The following AGAP1 variants were observed in gnomAD, a reference collection of about 807,000 sequenced individuals.
AGAP1 encodes the protein ArfGAP with GTPase domain, ankyrin repeat and PH domain 1, also known as arf-GAP with GTPase, ANK repeat and PH domain-containing protein 1.
Under a neutral mutation model 105.3 loss-of-function variants are expected in AGAP1, and 29 were observed. The observed-to-expected ratio is 0.28, with a 90% CI of 0.21 to 0.38. AGAP1 has a LOEUF of 0.38. Among genes scored for constraint, AGAP1 ranks in the 10% least tolerant of loss-of-function variants. The probability of loss-of-function intolerance (pLI) is 1.00; values close to 1 mark genes in which losing one functional copy is unlikely to be tolerated. For synonymous variants in AGAP1, 509 were observed against 485.9 expected (o/e 1.05, Z -0.63); for missense variants, 998 against 1,165.1 (o/e 0.86, Z 2.09).
At chr2:235,646,236 C>T (rs1947378966) in intron 1 of AGAP1, among the ~76,000 whole-genome samples, 1 of 147,720 alleles carries the variant, frequency 6.8e-6, no homozygotes, top group Admixed American at 6.8e-5. Context: ...CGCCATTGCA[C>T]TCCAGCCTGG....
chr2:235,709,278 G>T (rs745767635), intron 2 of AGAP1, 41 bp downstream of exon 2: 1 of 1,601,456 alleles, frequency 6.2e-7, no homozygotes, highest in Non-Finnish European at 8.6e-7. Context: ...TGGGAAGGGA[G>T]GGGCTCTGTG....
chr2:235,778,487 C>T (rs1365292177), intron 6 of AGAP1, among the ~76,000 whole-genome samples: 1 of 152,200 alleles, frequency 6.6e-6, no homozygotes, highest in Non-Finnish European at 1.5e-5. Context: ...CTGCTCCGTG[C>T]TCTTCCTCCT....
intron 8 of AGAP1, among the ~76,000 whole-genome samples, chr2:235,804,230 C>T (rs1397522723): frequency 6.6e-6 from 1 of 152,082 alleles, no homozygotes; most frequent in Non-Finnish European, 1.5e-5. Context: ...TAGTGTGAGT[C>T]TTGAAATTAT....
intron 13 of AGAP1, among the ~76,000 whole-genome samples, chr2:236,025,983 A>T (rs942707305): frequency 1.3e-5 from 2 of 152,060 alleles, no homozygotes; most frequent in African/African-American, 4.8e-5. Context: ...CAGGAGCTTC[A>T]GGGACCTCAG....
intron 1 of AGAP1, among the ~76,000 whole-genome samples, chr2:235,572,001 CA>C (rs1944541713): frequency 8.4e-6 from 1 of 118,918 alleles, no homozygotes; most frequent in South Asian, 2.8e-4. Flanking sequence ...CACACACACA[CA>C]CTTTTTTTTT....
chr2:235,865,182 G>T lies in AGAP1; in HGVS notation c.1051-18163G>T, dbSNP rs1290624002. Among the ~76,000 whole-genome samples the T allele has an allele frequency of 6.6e-6, 1 of 152,204 alleles. No individual in the cohort carries two copies. Among genetic ancestry groups the T allele is most frequent in the African/African-American group, 2.4e-5 (1 of 41,454 alleles). ...AATTACTGCTGAGCTCTGGAGAGGG[G>T]AGCAGTTTAGCCAATTATTGCCATT... On this transcript the variant is annotated intron_variant, in intron 9 of 17. Coordinates refer to ENST00000304032, the MANE Select transcript of AGAP1 (RefSeq NM_001037131.3). This position sits in a 1 kb window ranked among gnomAD's most constrained non-coding sequence, Gnocchi z 6.2.
At chr2:235,791,392 G>A (rs894323249) in intron 6 of AGAP1, among the ~76,000 whole-genome samples, 1 of 152,086 alleles carries the variant, frequency 6.6e-6, no homozygotes, top group Non-Finnish European at 1.5e-5. Flanking sequence ...CCTATGGTTC[G>A]AATGGAAGAT....
At chr2:235,833,541 C>A (rs1027283716) in intron 9 of AGAP1, among the ~76,000 whole-genome samples, 1 of 151,472 alleles carries the variant, frequency 6.6e-6, no homozygotes, top group Non-Finnish European at 1.5e-5. Flanking sequence ...CTCATCACCC[C>A]GCCCCCTCCT....
At chr2:235,899,885 A>G (rs1350360038) in intron 10 of AGAP1, among the ~76,000 whole-genome samples, 1 of 152,262 alleles carries the variant, frequency 6.6e-6, no homozygotes, top group Non-Finnish European at 1.5e-5. Context: ...TCTTTCAGGC[A>G]GTGTAAACCT....
At chr2:236,039,906 T>C (rs1264531993) in intron 14 of AGAP1, among the ~76,000 whole-genome samples, 7 of 152,182 alleles carry the variant, frequency 4.6e-5, no homozygotes, top group Non-Finnish European at 1.0e-4. Flanking sequence ...CTCTGTATTT[T>C]CTAAACTTGC....
At chr2:235,693,081 G>A (rs560557497) in intron 1 of AGAP1, among the ~76,000 whole-genome samples, 2 of 152,268 alleles carry the variant, frequency 1.3e-5, no homozygotes, top group South Asian at 4.1e-4. Flanking sequence ...GTCACCACTG[G>A]GGAAGGCCAT....
intron 11 of AGAP1, among the ~76,000 whole-genome samples, chr2:235,925,539 A>G (rs1380707479): frequency 6.6e-6 from 1 of 152,124 alleles, no homozygotes; most frequent in East Asian, 1.9e-4. Context: ...ATGTAGCTCT[A>G]TTTCTATTAG....
chr2:235,730,725 T>TGTTTA (rs1262821679), intron 3 of AGAP1, among the ~76,000 whole-genome samples: 2 of 152,180 alleles, frequency 1.3e-5, no homozygotes, highest in Non-Finnish European at 2.9e-5. Flanking sequence ...TTACTAAATA[T>TGTTTA]GTTTAGTTGA....
intron 4 of AGAP1, among the ~76,000 whole-genome samples, chr2:235,743,504 C>T (rs1407636405): frequency 6.6e-6 from 1 of 152,174 alleles, no homozygotes; most frequent in African/African-American, 2.4e-5. Flanking sequence ...CTGGCACTCT[C>T]TGTGGGAGCT....
At chr2:235,910,285 TGCAGGG>T (rs2051537617) in intron 11 of AGAP1, among the ~76,000 whole-genome samples, 16 of 151,804 alleles carry the variant, frequency 1.1e-4, no homozygotes, top group Admixed American at 2.0e-4. Flanking sequence ...CTGCCTGTGT[TGCAGGG>T]GGGCGGTGTC....
intron 16 of AGAP1, among the ~76,000 whole-genome samples, chr2:236,070,648 G>A (rs1023491940): frequency 6.6e-6 from 1 of 152,172 alleles, no homozygotes; most frequent in Non-Finnish European, 1.5e-5. Context: ...ATACTACAAC[G>A]TAAATGCACC....
At position 235,789,076 on chromosome 2, in the gene AGAP1, G is replaced by A. The variant is rs1304820612; in HGVS notation, c.674-8683G>A. On this transcript the variant is annotated intron_variant, in intron 6 of 17. Coordinates refer to ENST00000304032, the MANE Select transcript of AGAP1 (RefSeq NM_001037131.3). This position sits in a 1 kb window ranked among gnomAD's most constrained non-coding sequence, Gnocchi z 4.2. The stretch of plus-strand genomic sequence containing the variant: ...AGGAGTGCATGGAAGAGGAAGGGAT[G>A]TGTGTTTCCTGCAGCGTGATTTGAA... Among the ~76,000 whole-genome samples, 2 of 152,228 alleles carry A rather than the reference G, an allele frequency of 1.3e-5. No homozygotes were observed. The highest frequency in any genetic ancestry group is 6.5e-5 in the Admixed American group (1 of 15,288).
In AGAP1 at chr2:236,014,597, T is replaced by G. The variant is rs140297522; in HGVS notation, c.1646-21964T>G. The stretch of plus-strand genomic sequence containing the variant: ...AATCCTGATGACCCTGCTCCACCTC[T>G]GCCCTTCCTGAGTTCCTCTGTTCAC... On this transcript the variant is annotated intron_variant, in intron 13 of 17. Coordinates refer to ENST00000304032, the MANE Select transcript of AGAP1 (RefSeq NM_001037131.3). This position sits in a 1 kb window ranked among gnomAD's most constrained non-coding sequence, Gnocchi z 6.3. 7.3e-3 allele frequency among the ~76,000 whole-genome samples: 1,117 copies of G among 152,276 alleles called. 11 individuals are homozygous for G. The highest frequency in any genetic ancestry group is 0.026 in the African/African-American group (1,060 of 41,564).
At chr2:235,818,028 G>A (rs181589501) in intron 9 of AGAP1, among the ~76,000 whole-genome samples, 12 of 152,314 alleles carry the variant, frequency 7.9e-5, no homozygotes, top group East Asian at 7.7e-4. Flanking sequence ...TCTTAGGGCC[G>A]TCCCAAGTCT....
Sources: gnomAD v4.1 joint callset for allele counts (sites outside exome capture counted in the v4.1 genomes callset) on GRCh38, gnomAD v4.1.1 for gene constraint, Gnocchi (gnomAD v3.1) non-coding constraint, MANE v1.5 for transcripts, NCBI Gene and HGNC (gene_info 2026-07-23, HGNC 2026-07-21) for gene names.